FOXO1: variants seen among roughly 807,000 people sequenced by gnomAD.
The protein encoded by FOXO1 is forkhead box protein O1.
In FOXO1, 6 loss-of-function variants were observed where a neutral mutation model predicts 44.1. The observed-to-expected ratio is 0.14, with a 90% CI of 0.07 to 0.27. The LOEUF is 0.27. FOXO1 is among the 10% of genes least tolerant of loss of function. The pLI, the probability that FOXO1 is intolerant of heterozygous loss-of-function variation, is 1.00. For missense variants in FOXO1, 737 were observed against 888.8 expected (o/e 0.83, Z 2.17); for synonymous variants, 380 against 362.7 (o/e 1.05, Z -0.54).
intron 1 of FOXO1, among the ~76,000 whole-genome samples, chr13:40,623,095 T>A (rs1297172780): frequency 6.6e-6 from 1 of 151,908 alleles, no homozygotes; most frequent in African/African-American, 2.4e-5. Context: ...TTTATTCACC[T>A]TTCTCTAAGT....
intron 1 of FOXO1, among the ~76,000 whole-genome samples, chr13:40,664,172 C>T (rs1878137146): frequency 6.6e-6 from 1 of 152,216 alleles, no homozygotes; most frequent in Non-Finnish European, 1.5e-5. Flanking sequence ...ACTCGGGAGG[C>T]TGAGACAGGA....
intron 1 of FOXO1, among the ~76,000 whole-genome samples, chr13:40,594,372 G>A (rs903778360): frequency 3.9e-5 from 6 of 152,206 alleles, no homozygotes; most frequent in African/African-American, 9.6e-5. Flanking sequence ...AATGCAAAGC[G>A]CTGGAATCTA....
chr13:40,610,394 G>A (rs1310275042), intron 1 of FOXO1, among the ~76,000 whole-genome samples: 2 of 152,206 alleles, frequency 1.3e-5, no homozygotes. Context: ...CATTGTGCCA[G>A]AAAACCTAAA....
chr13:40,652,355 C>T (rs548688764), intron 1 of FOXO1, among the ~76,000 whole-genome samples: 27 of 150,966 alleles, frequency 1.8e-4, no homozygotes, highest in South Asian at 8.4e-4. Flanking sequence ...GCAAGATCTC[C>T]GCTCACTGCA....
intron 1 of FOXO1, among the ~76,000 whole-genome samples, chr13:40,638,020 C>T (rs1232086793): frequency 6.6e-6 from 1 of 152,158 alleles, no homozygotes; most frequent in Non-Finnish European, 1.5e-5. Context: ...GCCAACAGTC[C>T]ACTACTGAGT....
At chr13:40,589,825 T>G (rs376224565) in intron 1 of FOXO1, among the ~76,000 whole-genome samples, 2 of 152,196 alleles carry the variant, frequency 1.3e-5, no homozygotes, top group East Asian at 3.8e-4. Context: ...TGGACTGTCC[T>G]GAGTCAAGAC....
intron 1 of FOXO1, among the ~76,000 whole-genome samples, chr13:40,635,813 C>T (rs755817044): frequency 2.1e-4 from 32 of 152,310 alleles, no homozygotes; most frequent in Admixed American, 3.9e-4. Flanking sequence ...CTTCTGGGGA[C>T]GTGACAGAGG....
intron 1 of FOXO1, among the ~76,000 whole-genome samples, chr13:40,579,772 A>G (rs1382446885): frequency 6.6e-6 from 1 of 152,194 alleles, no homozygotes; most frequent in Non-Finnish European, 1.5e-5. Context: ...GAAGATGAGG[A>G]ACCTGTACAC....
intron 1 of FOXO1, among the ~76,000 whole-genome samples, chr13:40,584,501 A>AAGC (rs1555248680): frequency 5.0e-4 from 59 of 117,192 alleles, no homozygotes; most frequent in Non-Finnish European, 7.0e-4. Flanking sequence ...AAAAAAAAAA[A>AAGC]GCCAGATGCA....
At chr13:40,604,658 T>G (rs1041706905) in intron 1 of FOXO1, among the ~76,000 whole-genome samples, 3 of 152,184 alleles carry the variant, frequency 2.0e-5, no homozygotes, top group Non-Finnish European at 4.4e-5. Flanking sequence ...CTTTCTTCTT[T>G]AAACATGCCA....
chr13:40,632,258 G>A (rs1416925659), intron 1 of FOXO1, among the ~76,000 whole-genome samples: 6 of 152,186 alleles, frequency 3.9e-5, no homozygotes, highest in South Asian at 2.1e-4. Context: ...GTGACACAGC[G>A]AGACTCCGTC....
chr13:40,585,053 A>G (rs934951593), intron 1 of FOXO1, among the ~76,000 whole-genome samples: 5 of 152,248 alleles, frequency 3.3e-5, no homozygotes, highest in African/African-American at 1.2e-4. Flanking sequence ...CTTATATGAC[A>G]GGCAAGTATG....
intron 1 of FOXO1, among the ~76,000 whole-genome samples, chr13:40,601,884 G>T (rs532528444): frequency 6.6e-6 from 1 of 152,212 alleles, no homozygotes; most frequent in African/African-American, 2.4e-5. Context: ...AAATAGAATT[G>T]TATCTACATT....
At chr13:40,621,618 C>T (rs962441060) in intron 1 of FOXO1, among the ~76,000 whole-genome samples, 7 of 152,092 alleles carry the variant, frequency 4.6e-5, no homozygotes, top group African/African-American at 1.7e-4. Context: ...TGGTAATTTT[C>T]TCATGCTAAG....
chr13:40,604,934 T>C (rs150950359), intron 1 of FOXO1, among the ~76,000 whole-genome samples: 1 of 152,156 alleles, frequency 6.6e-6, no homozygotes, highest in East Asian at 1.9e-4. Flanking sequence ...GATTTTGCTA[T>C]GAATAATAAT....
chr13:40,651,690 CAT>C (rs938773690), intron 1 of FOXO1, among the ~76,000 whole-genome samples: 69 of 151,156 alleles, frequency 4.6e-4, no homozygotes, highest in South Asian at 1.3e-3. Flanking sequence ...ATATTTATAA[CAT>C]AAATATACAT....
intron 1 of FOXO1, among the ~76,000 whole-genome samples, chr13:40,650,557 C>T (rs968500266): frequency 5.9e-5 from 9 of 152,088 alleles, no homozygotes; most frequent in African/African-American, 2.2e-4. Context: ...GGACAGTAGG[C>T]TAAAAAGAGA....
rs540506597 is a variant in FOXO1, at chr13:40,594,476, G to C, written c.631-33616C>G. The stretch of plus-strand genomic sequence containing the variant: ...CAGGAAGTGATGGGAAACAGGCCCA[G>C]GTTACCTAAATCTAGTTACTGAAAG... On this transcript the variant is annotated intron_variant, in intron 1 of 2. Coordinates refer to ENST00000379561, the MANE Select transcript of FOXO1 (RefSeq NM_002015.4). Among the ~76,000 whole-genome samples, 3 of 152,258 alleles carry C rather than the reference G, an allele frequency of 2.0e-5. No individual in the cohort carries two copies. The East Asian group carries it at 5.8e-4, about 29-fold the overall frequency.
At chr13:40,568,510 ATT>A (rs1874356042) in intron 1 of FOXO1, among the ~76,000 whole-genome samples, 1 of 152,188 alleles carries the variant, frequency 6.6e-6, no homozygotes, top group Non-Finnish European at 1.5e-5. Context: ...AAAATAATCC[ATT>A]TTGTTTGCAA....
Sources: gnomAD v4.1 joint callset for allele counts (sites outside exome capture counted in the v4.1 genomes callset) on GRCh38, gnomAD v4.1.1 for gene constraint, MANE v1.5 for transcripts, NCBI Gene and HGNC (gene_info 2026-07-23, HGNC 2026-07-21) for gene names.